The following SDK1 variants were observed in gnomAD, a reference collection of about 807,000 sequenced individuals.
SDK1 encodes the protein protein sidekick-1.
In SDK1, 157 loss-of-function variants were observed where a neutral mutation model predicts 245.5. The ratio of observed to expected loss-of-function variants is 0.64; its 90% confidence interval spans 0.56 to 0.73. The LOEUF (loss-of-function observed/expected upper bound fraction) is 0.73. Among genes scored for constraint, SDK1 ranks in the 30% least tolerant of loss-of-function variants. The probability of loss-of-function intolerance (pLI) is 0.00; values close to 1 mark genes in which losing one functional copy is unlikely to be tolerated. For synonymous variants in SDK1, 1,647 were observed against 1,278.5 expected (o/e 1.29, Z -6.15); for missense variants, 3,583 against 3,002.3 (o/e 1.19, Z -4.52).
chr7:3,443,461 T>C (rs1215234058), intron 1 of SDK1, among the ~76,000 whole-genome samples: 1 of 152,194 alleles, frequency 6.6e-6, no homozygotes, highest in African/African-American at 2.4e-5. Flanking sequence ...GCTAATAAAA[T>C]TTGTATACCC....
chr7:3,925,031 G>C (rs1307987649), intron 5 of SDK1, among the ~76,000 whole-genome samples: 2 of 152,146 alleles, frequency 1.3e-5, no homozygotes, highest in Non-Finnish European at 2.9e-5. Context: ...CTTGACAACT[G>C]ATTTGTCAGC....
intron 1 of SDK1, among the ~76,000 whole-genome samples, chr7:3,584,033 A>T (rs1170140455): frequency 6.6e-6 from 1 of 152,188 alleles, no homozygotes; most frequent in Non-Finnish European, 1.5e-5. Flanking sequence ...TGCCAATCTA[A>T]GGTGCCAGGG....
Position 4,130,067 on chromosome 7 carries a change from C to A in SDK1, c.4099C>A (p.Pro1367Thr). Residue 1367 changes from proline (P) to threonine (T), a missense_variant, in exon 27 of 45, where the codon CCC (proline) becomes ACC (threonine). Pro to Thr is a conservative substitution (Grantham distance 38). Transcript: ENST00000404826. ...TRIGNGVPST[P>T]LILERTKDDA... ...CATCGGGAACGGGGTCCCCAGCACG[C>A]CCCTCATCCTGGAGCGCACCAAAGA... 1 of 1,610,614 alleles carries A rather than the reference C, an allele frequency of 6.2e-7. No homozygotes were observed. Among genetic ancestry groups the A allele is most frequent in the Non-Finnish European group, 8.5e-7 (1 of 1,177,984 alleles).
At chr7:3,994,838 G>A (rs1002285160) in intron 14 of SDK1, among the ~76,000 whole-genome samples, 3 of 151,992 alleles carry the variant, frequency 2.0e-5, no homozygotes, top group East Asian at 3.9e-4. Context: ...CATGGATCTG[G>A]GATCCTCAAA....
intron 1 of SDK1, among the ~76,000 whole-genome samples, chr7:3,433,144 A>G (rs531029677): frequency 6.6e-6 from 1 of 152,234 alleles, no homozygotes; most frequent in Non-Finnish European, 1.5e-5. Flanking sequence ...TAAGTGTGAC[A>G]GTACGGTGTT....
chr7:3,341,121 A>G (rs1462218032), intron 1 of SDK1, among the ~76,000 whole-genome samples: 1 of 152,184 alleles, frequency 6.6e-6, no homozygotes, highest in Non-Finnish European at 1.5e-5. Flanking sequence ...ATGATCCTCA[A>G]GAAAATATTA....
At chr7:3,385,386 C>G (rs1781585592) in intron 1 of SDK1, among the ~76,000 whole-genome samples, 1 of 151,860 alleles carries the variant, frequency 6.6e-6, no homozygotes, top group Non-Finnish European at 1.5e-5. Context: ...AAGAAAATTC[C>G]CATTTTTTGG....
intron 1 of SDK1, among the ~76,000 whole-genome samples, chr7:3,564,879 A>T (rs1321683008): frequency 6.6e-6 from 1 of 152,096 alleles, no homozygotes; most frequent in Non-Finnish European, 1.5e-5. Flanking sequence ...AGTACCTGTG[A>T]ATGTAACAGT....
chr7:3,867,422 A>G (rs1489634306), intron 5 of SDK1, among the ~76,000 whole-genome samples: 2 of 152,202 alleles, frequency 1.3e-5, no homozygotes, highest in Admixed American at 6.5e-5. Flanking sequence ...CTGCTGATAA[A>G]GACATACCCG....
intron 4 of SDK1, among the ~76,000 whole-genome samples, chr7:3,767,179 G>T (rs1780278178): frequency 6.6e-6 from 1 of 152,136 alleles, no homozygotes; most frequent in Admixed American, 6.5e-5. Flanking sequence ...CTGGAGGGCT[G>T]ACTCCTGGAG....
chr7:3,474,099 T>G (rs1284631246), intron 1 of SDK1, among the ~76,000 whole-genome samples: 12 of 125,020 alleles, frequency 9.6e-5, no homozygotes, highest in African/African-American at 1.6e-4. Context: ...GTGTTTTTTT[T>G]TTTTTTTTTT....
At chr7:3,638,842 T>C (rs2128650986) in intron 2 of SDK1, among the ~76,000 whole-genome samples, 162 bp from the exon 3 acceptor site, 1 of 151,538 alleles carries the variant, frequency 6.6e-6, no homozygotes, top group Middle Eastern at 3.4e-3. Flanking sequence ...GTGTCATGGT[T>C]AGGGAAGGAT....
intron 1 of SDK1, among the ~76,000 whole-genome samples, chr7:3,489,015 G>A (rs967195779): frequency 8.6e-5 from 13 of 151,852 alleles, no homozygotes; most frequent in Non-Finnish European, 1.6e-4. Flanking sequence ...TAAACCAGTC[G>A]TTGGGAATGA....
intron 5 of SDK1, among the ~76,000 whole-genome samples, chr7:3,835,307 A>G (rs1780005899): frequency 6.6e-6 from 1 of 152,156 alleles, no homozygotes; most frequent in Non-Finnish European, 1.5e-5. Flanking sequence ...CTTCTGTTTT[A>G]TGACTGCATT....
chr7:3,566,563 T>C (rs1779926530), intron 1 of SDK1, among the ~76,000 whole-genome samples: 1 of 152,024 alleles, frequency 6.6e-6, no homozygotes, highest in East Asian at 1.9e-4. Flanking sequence ...AGAGGAAAAT[T>C]GATCCACTTG....
chr7:3,558,201 A>G (rs529763085), intron 1 of SDK1, among the ~76,000 whole-genome samples: 2 of 152,348 alleles, frequency 1.3e-5, no homozygotes, highest in South Asian at 4.1e-4. Context: ...CATATGTTCA[A>G]AGAAATTACT....
At chr7:3,358,202 A>C (rs934064355) in intron 1 of SDK1, among the ~76,000 whole-genome samples, 1 of 152,014 alleles carries the variant, frequency 6.6e-6, no homozygotes, top group African/African-American at 2.4e-5. Context: ...TTGTATTTTT[A>C]GTAGAGGCAG....
intron 1 of SDK1, among the ~76,000 whole-genome samples, chr7:3,487,481 C>G (rs1027136730): frequency 6.6e-6 from 1 of 152,004 alleles, no homozygotes; most frequent in Non-Finnish European, 1.5e-5. Flanking sequence ...GTGGCTCATT[C>G]TGGTAATCCC....
Position 3,619,023 on chromosome 7 carries a change from G to T in SDK1, c.299-57G>T, listed in dbSNP as rs1445679810. On this transcript the variant is annotated intron_variant, in intron 1 of 44. Transcript: ENST00000404826. ...AAATAATAGATTTATTAAATTAGAT[G>T]AGTGCCACTTTCATGCGTACTTCAG... 9 of 1,288,434 alleles carry T rather than the reference G, an allele frequency of 7.0e-6. No homozygotes were observed. The East Asian group carries it at 2.3e-4, about 33-fold the overall frequency. The allele number at this position is 1,288,434 out of a possible 1,614,324, so 79.8% of individuals were successfully genotyped here.
Sources: gnomAD v4.1 joint callset for allele counts (sites outside exome capture counted in the v4.1 genomes callset) on GRCh38, gnomAD v4.1.1 for gene constraint, MANE v1.5 for transcripts, NCBI Gene and HGNC (gene_info 2026-07-23, HGNC 2026-07-21) for gene names.